Variants in PAM observed in about 807,000 individuals in gnomAD.
PAM encodes the protein peptidyl-glycine alpha-amidating monooxygenase.
In PAM, 72 loss-of-function variants were observed where a neutral mutation model predicts 122.1. The ratio of observed to expected loss-of-function variants is 0.59; its 90% CI spans 0.49 to 0.72. The LOEUF is 0.72. PAM is among the 30% of genes least tolerant of loss of function. The pLI is 0.00. For synonymous variants in PAM, 389 were observed against 404.4 expected (o/e 0.96, Z 0.46); for missense variants, 1,106 against 1,183.7 (o/e 0.93, Z 0.96).
intron 3 of PAM, among the ~76,000 whole-genome samples, chr5:102,871,938 T>A (rs889689298): frequency 2.0e-5 from 3 of 151,958 alleles, no homozygotes; most frequent in African/African-American, 7.2e-5. Context: ...AACTTACAAG[T>A]GCAAACAAAT....
intron 1 of PAM, among the ~76,000 whole-genome samples, chr5:102,841,795 AC>A: frequency 6.6e-6 from 1 of 152,342 alleles, no homozygotes; most frequent in Admixed American, 6.5e-5. Flanking sequence ...GCAACAAAAT[AC>A]AGACACATAA....
intron 4 of PAM, among the ~76,000 whole-genome samples, chr5:102,910,795 T>C (rs1801164893): frequency 6.6e-6 from 1 of 151,842 alleles, no homozygotes; most frequent in African/African-American, 2.4e-5. Flanking sequence ...ATTTCTTTGG[T>C]GTATGATGGG....
intron 16 of PAM, among the ~76,000 whole-genome samples, chr5:102,995,855 T>G (rs1288258445): frequency 1.3e-5 from 2 of 152,078 alleles, no homozygotes. Context: ...TAACATAATA[T>G]TAAGTTATAT....
intron 1 of PAM, among the ~76,000 whole-genome samples, chr5:102,774,776 T>A (rs1189936067): frequency 6.6e-6 from 1 of 152,140 alleles, no homozygotes; most frequent in Non-Finnish European, 1.5e-5. Context: ...TCATTTTGTC[T>A]CTTTGTTGGC....
At chr5:102,900,241 T>A (rs1377224539) in intron 3 of PAM, among the ~76,000 whole-genome samples, 1 of 72,318 alleles carries the variant, frequency 1.4e-5, no homozygotes, top group Non-Finnish European at 2.5e-5. Context: ...TCAGGTCTCT[T>A]AATGTGTGTG....
At chr5:102,997,301 C>T (rs1340675594) in intron 16 of PAM, among the ~76,000 whole-genome samples, 1 of 151,996 alleles carries the variant, frequency 6.6e-6, no homozygotes, top group Non-Finnish European at 1.5e-5. Context: ...GGGAGAATTG[C>T]TTGAGCCCAG....
At chr5:102,983,117 A>G (rs1282884992) in intron 15 of PAM, among the ~76,000 whole-genome samples, 1 of 151,892 alleles carries the variant, frequency 6.6e-6, no homozygotes, top group Non-Finnish European at 1.5e-5. Context: ...ATCAAGCAGA[A>G]GGAAGAATTT....
At chr5:102,793,434 C>T (rs550444617) in intron 1 of PAM, among the ~76,000 whole-genome samples, 8 of 152,014 alleles carry the variant, frequency 5.3e-5, no homozygotes, top group East Asian at 1.9e-4. Flanking sequence ...GGGAGGCTGA[C>T]GTGGGAGGAT....
chr5:102,946,176 A>G (rs1582015274), intron 7 of PAM, among the ~76,000 whole-genome samples: 1 of 152,134 alleles, frequency 6.6e-6, no homozygotes, highest in South Asian at 2.1e-4. Context: ...GCCACCTGCT[A>G]TAGGAGCAGC....
chr5:102,785,825 A>G (rs1467645337), intron 1 of PAM, among the ~76,000 whole-genome samples: 1 of 152,140 alleles, frequency 6.6e-6, no homozygotes, highest in Non-Finnish European at 1.5e-5. Context: ...ATGGGGAGTA[A>G]GGAGTGGTGT....
intron 1 of PAM, among the ~76,000 whole-genome samples, chr5:102,829,761 CTG>C (rs1440518386): frequency 2.0e-5 from 3 of 152,092 alleles, no homozygotes; most frequent in Non-Finnish European, 4.4e-5. Context: ...CAAATTGTCT[CTG>C]TATATTATCT....
intron 7 of PAM, among the ~76,000 whole-genome samples, chr5:102,942,642 G>T (rs1466795863): frequency 6.6e-6 from 1 of 151,620 alleles, no homozygotes; most frequent in African/African-American, 2.4e-5. Context: ...AAGTGCCGTG[G>T]TGTGATCATG....
chr5:102,836,897 A>AGAGAGAGGGAGAGG (rs757331974), intron 1 of PAM, among the ~76,000 whole-genome samples: 1 of 146,544 alleles, frequency 6.8e-6, no homozygotes, highest in African/African-American at 2.5e-5. Context: ...AGAGAGAGAG[A>AGAGAGAGGGAGAGG]GGTGCAAAAT....
intron 15 of PAM, among the ~76,000 whole-genome samples, chr5:102,982,104 A>G (rs752768952): frequency 4.6e-5 from 7 of 151,848 alleles, no homozygotes; most frequent in East Asian, 1.9e-4. Flanking sequence ...GTCCAGACAC[A>G]TTGTCCAGGG....
chr5:102,832,045 G>C (rs765459599), intron 1 of PAM, among the ~76,000 whole-genome samples: 1 of 151,964 alleles, frequency 6.6e-6, no homozygotes, highest in East Asian at 1.9e-4. Flanking sequence ...TCTCAGAGCC[G>C]TTCCCTTCAT....
intron 12 of PAM, among the ~76,000 whole-genome samples, chr5:102,954,699 C>A (rs1005889807): frequency 6.6e-6 from 1 of 151,934 alleles, no homozygotes; most frequent in Non-Finnish European, 1.5e-5. Context: ...AAATTCGTTT[C>A]AAATGTTTAG....
intron 15 of PAM, among the ~76,000 whole-genome samples, chr5:102,980,251 G>A (rs906885761): frequency 3.9e-5 from 6 of 152,096 alleles, no homozygotes; most frequent in African/African-American, 1.4e-4. Context: ...GCTAACACTG[G>A]AAATCTGTAG....
At chr5:102,924,850 A>G in intron 5 of PAM, 107 bp from the exon 6 acceptor site, 1 of 686,658 alleles carries the variant, frequency 1.5e-6, no homozygotes, top group Non-Finnish European at 2.7e-6. Flanking sequence ...TGATATATTG[A>G]TGTACTTTGG....
intron 1 of PAM, among the ~76,000 whole-genome samples, chr5:102,844,291 T>C (rs540759519): frequency 1.3e-5 from 2 of 152,314 alleles, no homozygotes; most frequent in African/African-American, 2.4e-5. Context: ...ATTGTGCTAT[T>C]GTACTATGGT....
Sources: gnomAD v4.1 joint callset for allele counts (sites outside exome capture counted in the v4.1 genomes callset) on GRCh38, gnomAD v4.1.1 for gene constraint, MANE v1.5 for transcripts, NCBI Gene and HGNC (gene_info 2026-07-23, HGNC 2026-07-21) for gene names.